Variants in PSMD13 observed in about 807,000 individuals in gnomAD.
PSMD13 encodes 26S proteasome non-ATPase regulatory subunit 13.
Under a neutral mutation model 57.4 loss-of-function variants are expected in PSMD13, and 8 were observed. That is an observed-to-expected ratio of 0.14 (90% CI 0.08 to 0.25). The LOEUF is 0.25. PSMD13 is among the 10% of genes least tolerant of loss of function. The probability of loss-of-function intolerance (pLI) is 1.00; values close to 1 mark genes in which losing one functional copy is unlikely to be tolerated. For missense variants in PSMD13, 400 were observed against 461.5 expected (o/e 0.87, Z 1.22); for synonymous variants, 193 against 168.2 (o/e 1.15, Z -1.14).
chr11:243,627 C>T (rs1590248377), intron 2 of PSMD13: 6 of 371,800 alleles, frequency 1.6e-5, no homozygotes, highest in Admixed American at 3.3e-5. Flanking sequence ...GGGGACCACA[C>T]GGCAGCGCAG....
intron 2 of PSMD13, among the ~76,000 whole-genome samples, chr11:240,157 T>G: frequency 1.5e-5 from 2 of 129,720 alleles, no homozygotes; most frequent in South Asian, 2.8e-4. Flanking sequence ...TTGCCCGGGC[T>G]GGAGTGCAAT....
intron 9 of PSMD13, among the ~76,000 whole-genome samples, chr11:249,755 A>C (rs1031098138): frequency 1.1e-4 from 17 of 152,130 alleles, no homozygotes; most frequent in African/African-American, 4.1e-4. Context: ...AATGATAAGT[A>C]TGTTCTTTTT....
In PSMD13 at chr11:237,010, A is replaced by T. The variant is rs765740237; in HGVS notation, c.-40A>T. 1 of 1,534,002 alleles carries T rather than the reference A, an allele frequency of 6.5e-7. No homozygotes were observed. Among genetic ancestry groups the T allele is most frequent in the Admixed American group, 1.7e-5 (1 of 59,380 alleles). On this transcript the variant is annotated 5_prime_UTR_variant, in exon 1 of 13. Coordinates refer to ENST00000532097, the MANE Select transcript of PSMD13 (RefSeq NM_002817.4). ...CGGCAGCCATCCCCGCGGTGCTGAC[A>T]TCCCGGTTGTTCTTCTGTGCCGGGG...
intron 2 of PSMD13, chr11:243,440 A>C (rs1365463274): frequency 3.4e-6 from 1 of 296,388 alleles, no homozygotes; most frequent in Non-Finnish European, 6.8e-6. Flanking sequence ...TTCCTTCCAC[A>C]ATGGTCTTAT....
intron 6 of PSMD13, among the ~76,000 whole-genome samples, chr11:245,368 G>A (rs1412986607): frequency 2.0e-5 from 3 of 152,194 alleles, no homozygotes; most frequent in Non-Finnish European, 4.4e-5. Context: ...ACTCCCCTGT[G>A]TGACCACAGC....
rs1053282026 is a variant in PSMD13 at position 239,006 on chromosome 11, A to G, written c.104A>G (p.His35Arg). The change falls in exon 2 of 13, where the codon CAT becomes CGT. Residue 35 changes from histidine to arginine, a missense_variant. Transcript: ENST00000532097. ...GGCTGTATGTTTTTCAGGTTGTGGC[A>G]TCAGCTGACACTTCAGGTGCTTGAT... is the stretch of plus-strand genomic sequence containing the variant. ...LEELYTKKLW[H>R]QLTLQVLDFV... is the part of the protein sequence containing the mutation. 1 of 1,614,040 alleles carries G rather than the reference A, an allele frequency of 6.2e-7. No homozygotes were observed. The highest frequency in any genetic ancestry group is 8.5e-7 in the Non-Finnish European group (1 of 1,180,026).
At chr11:238,689 T>C (rs2283144) in intron 1 of PSMD13, among the ~76,000 whole-genome samples, 23,882 of 152,126 alleles carry the variant, frequency 0.16, 2,367 homozygotes, top group Middle Eastern at 0.22. Flanking sequence ...AAGAAAGAAA[T>C]GCATTGGGGC....
chr11:248,654 G>A (rs1859704099), intron 7 of PSMD13, 122 bp from the exon 8 acceptor site: 4 of 943,138 alleles, frequency 4.2e-6, no homozygotes, highest in African/African-American at 3.3e-5. Flanking sequence ...CTAATGTCAA[G>A]GCTTTGTAAT....
Position 252,682 on chromosome 11 carries a change from T to C in PSMD13, c.*82T>C, listed in dbSNP as rs1590256164. 7.5e-7 allele frequency: 1 copy of C among 1,335,900 alleles called. No homozygotes were observed. Among genetic ancestry groups the C allele is most frequent in the African/African-American group, 1.4e-5 (1 of 69,058 alleles). The allele number at this position is 1,335,900 out of a possible 1,614,324, so 82.8% of individuals were successfully genotyped here. A position where few individuals can be genotyped will look rare whatever the true frequency, so the allele number is the denominator to read the frequency against. ...CCAATGAAGCTGGCTGCTCAGACGG[T>C]CGACATTGAATTTGGGTGGGGGTTG... On this transcript the variant is annotated 3_prime_UTR_variant, in exon 13 of 13. Coordinates refer to ENST00000532097, the MANE Select transcript of PSMD13 (RefSeq NM_002817.4). The surrounding 1 kb of genome is among the most constrained non-coding windows in gnomAD (Gnocchi z 4.1).
intron 6 of PSMD13, 145 bp from the exon 7 acceptor site, chr11:247,132 C>T (rs1477906587): frequency 1.4e-6 from 1 of 707,978 alleles, no homozygotes; most frequent in East Asian, 2.9e-5. Context: ...CCTGTAATCC[C>T]AGCTACTACA....
At chr11:245,726 T>TTG (rs1216426415) in intron 6 of PSMD13, among the ~76,000 whole-genome samples, 2 of 83,414 alleles carry the variant, frequency 2.4e-5, no homozygotes, top group Admixed American at 1.2e-4. Flanking sequence ...GTGTGTGTGT[T>TTG]TGTGTGTGTG....
At chr11:242,901 T>A (rs1465258898) in intron 2 of PSMD13, among the ~76,000 whole-genome samples, 2 of 152,130 alleles carry the variant, frequency 1.3e-5, no homozygotes, top group Non-Finnish European at 2.9e-5. Flanking sequence ...GTTCAAGCGA[T>A]TCTTCTGCCT....
rs866942707 is a variant in PSMD13 at position 251,433 on chromosome 11, T to C, written c.838-113T>C. ...TAATATTAGGAAACTTTTTAGTATG[T>C]GGGGTACTAATAAGATCTCTATTTT... On this transcript the variant is annotated intron_variant, in intron 10 of 12. Transcript: ENST00000532097. This position sits in a 1 kb window ranked among gnomAD's most constrained non-coding sequence, Gnocchi z 4.6. The C allele has an allele frequency of 1.7e-5, 15 of 892,496 alleles. No individual in the cohort carries two copies. Among genetic ancestry groups the C allele is most frequent in the Middle Eastern group, 3.3e-4 (1 of 3,076 alleles). 55.3% of individuals were successfully genotyped at this position (892,496 alleles called of 1,614,324 possible).
chr11:249,558 G>GGCGGGTGCGGGGAGGGGGAGAGCA (rs1859730029), intron 9 of PSMD13, among the ~76,000 whole-genome samples: 1 of 145,722 alleles, frequency 6.9e-6, no homozygotes, highest in African/African-American at 2.5e-5. Context: ...GGGGGAGAGC[G>GGCGGGTGCGGGGAGGGGGAGAGCA]GCGGGTGCGG....
intron 7 of PSMD13, chr11:247,981 A>ACTGTTCCTTCTCCAGT (rs1481405035): frequency 6.5e-6 from 1 of 152,970 alleles, no homozygotes; most frequent in Non-Finnish European, 1.5e-5. Context: ...TCGCTCCTTC[A>ACTGTTCCTTCTCCAGT]CTGTCCCTTC....
At chr11:242,037 C>G (rs370449112) in intron 2 of PSMD13, among the ~76,000 whole-genome samples, 152 of 152,176 alleles carry the variant, frequency 1.0e-3, no homozygotes, top group African/African-American at 3.5e-3. Context: ...CAAATGGCCA[C>G]CTCTCTAACC....
chr11:251,837 G>A lies in PSMD13; in HGVS notation c.936G>A (p.Met312Ile). The change falls in exon 12 of 13, where the codon ATG (methionine) becomes ATA (isoleucine). Residue 312 changes from methionine to isoleucine, a missense_variant. Transcript: ENST00000532097. This position sits in a 1 kb window ranked among gnomAD's most constrained non-coding sequence, Gnocchi z 4.6. Reference sequence around the variant, plus strand: ...CTGCACAGGTGGAGCTTCTGGTGATGAAGGCCCTTTCGGTGGGGCTGGTGA... The same window carrying A: ...CTGCACAGGTGGAGCTTCTGGTGATAAAGGCCCTTTCGGTGGGGCTGGTGA... ...ITVNEVELLV[M>I]KALSVGLVKG... is the part of the protein sequence containing the mutation. The A allele has an allele frequency of 1.2e-6, 2 of 1,614,162 alleles. No individual in the cohort carries two copies. Among genetic ancestry groups the A allele is most frequent in the Middle Eastern group, 1.6e-4 (1 of 6,062 alleles).
Position 243,209 on chromosome 11 carries a change from A to G in PSMD13, c.175-832A>G, listed in dbSNP as rs1859554799. The G allele has an allele frequency of 4.9e-6, 3 of 613,508 alleles. No homozygotes were observed. The East Asian group carries it at 9.3e-5, about 19-fold the overall frequency. The allele number at this position is 613,508 out of a possible 1,614,324, so 38.0% of individuals were successfully genotyped here. On this transcript the variant is annotated intron_variant, in intron 2 of 12. Coordinates refer to ENST00000532097, the MANE Select transcript of PSMD13 (RefSeq NM_002817.4). ...AATTTAGGTATCATTTATGCTGCACACAACATTACTGACTTAACGTGGTGG... is the reference window on the plus strand; with the variant it reads ...AATTTAGGTATCATTTATGCTGCACGCAACATTACTGACTTAACGTGGTGG...
At chr11:243,239 T>C (rs1188451966) in intron 2 of PSMD13, 2 of 523,572 alleles carry the variant, frequency 3.8e-6, no homozygotes, top group African/African-American at 1.9e-5. Flanking sequence ...TGGTGGGAAA[T>C]GTACAAGATA....
Sources: allele counts gnomAD v4.1 joint callset (sites outside exome capture counted in the v4.1 genomes callset), GRCh38; gene constraint gnomAD v4.1.1; non-coding constraint Gnocchi (gnomAD v3.1); transcripts MANE v1.5; gene names NCBI Gene and HGNC (gene_info 2026-07-23, HGNC 2026-07-21).